SRD5A2: variants seen among roughly 807,000 people sequenced by gnomAD.
The protein encoded by SRD5A2 is 3-oxo-5-alpha-steroid 4-dehydrogenase 2.
In SRD5A2, 30 loss-of-function variants were observed where a neutral mutation model predicts 27.4. The observed-to-expected ratio is 1.10, with a 90% CI of 0.82 to 1.49. SRD5A2 has a LOEUF of 1.49. Among genes scored for constraint, SRD5A2 ranks in the 40% most tolerant of loss-of-function variants. The probability of loss-of-function intolerance (pLI) is 0.00; values close to 1 mark genes in which losing one functional copy is unlikely to be tolerated. For missense variants in SRD5A2, 348 were observed against 323.4 expected (o/e 1.08, Z -0.58); for synonymous variants, 141 against 133.6 (o/e 1.06, Z -0.38).
the SRD5A2 span, among the ~76,000 whole-genome samples, chr2:31,612,467 G>A: frequency 1.3e-5 from 2 of 152,020 alleles, no homozygotes; most frequent in Non-Finnish European, 2.9e-5. Context: ...TAGCCATAGA[G>A]CTGAAAGATT....
chr2:31,625,764 G>T, the SRD5A2 span, among the ~76,000 whole-genome samples: 1 of 151,952 alleles, frequency 6.6e-6, no homozygotes, highest in Non-Finnish European at 1.5e-5. Flanking sequence ...GTTACTGTAG[G>T]CTTGCAGTAT....
rs756284261 is a variant in SRD5A2, at chr2:31,580,631, A to G, written c.270T>C (p.His90=). Residue 90 remains histidine, a synonymous_variant, in exon 1 of 5, where the codon CAT becomes CAC. Transcript: ENST00000622030. Reference sequence around the variant, plus strand: ...GGGAAAAACGCTACCTGTGGAAGTAATGTAGGCAGAAGAGGCCCAGAAGTA... The same window carrying G: ...GGGAAAAACGCTACCTGTGGAAGTAGTGTAGGCAGAAGAGGCCCAGAAGTA... ...GTVLLGLFCL[H]YFHRTFVYSL... 1.3e-6 allele frequency: 2 copies of G among 1,571,068 alleles called. No homozygotes were observed. Among genetic ancestry groups the G allele is most frequent in the Non-Finnish European group, 1.7e-6 (2 of 1,164,706 alleles).
At chr2:31,660,594 T>A in the SRD5A2 span, among the ~76,000 whole-genome samples, 162 of 152,012 alleles carry the variant, frequency 1.1e-3, 1 homozygote, top group East Asian at 0.019. Context: ...GTGGGGGATG[T>A]TGATAACGGG....
chr2:31,567,913 G>A (rs1377274823), intron 1 of SRD5A2, among the ~76,000 whole-genome samples: 1 of 152,010 alleles, frequency 6.6e-6, no homozygotes, highest in Non-Finnish European at 1.5e-5. Context: ...CACCTGCCAA[G>A]GGTGAGCCAG....
At chr2:31,616,955 C>A in the SRD5A2 span, among the ~76,000 whole-genome samples, 2 of 152,018 alleles carry the variant, frequency 1.3e-5, no homozygotes, top group African/African-American at 2.4e-5. Flanking sequence ...TTGAATCATG[C>A]GAGCAGTTCC....
At chr2:31,568,921 C>A (rs957498066) in intron 1 of SRD5A2, among the ~76,000 whole-genome samples, 1 of 152,264 alleles carries the variant, frequency 6.6e-6, no homozygotes, top group Admixed American at 6.5e-5. Flanking sequence ...CTTGGCTCAG[C>A]CACAACTTTG....
At chr2:31,588,867 A>G in the SRD5A2 span, among the ~76,000 whole-genome samples, 1 of 152,216 alleles carries the variant, frequency 6.6e-6, no homozygotes, top group African/African-American at 2.4e-5. Flanking sequence ...GATAGCAGAC[A>G]GAACTAACAT....
chr2:31,616,692 C>T, the SRD5A2 span, among the ~76,000 whole-genome samples: 7 of 152,244 alleles, frequency 4.6e-5, no homozygotes, highest in African/African-American at 1.4e-4. Context: ...TTTACAGGCT[C>T]ATAGAGGTGA....
rs1480529343 is a variant in SRD5A2, at chr2:31,526,212, A to G, written c.749T>C (p.Ile250Thr). The G allele has an allele frequency of 6.3e-7, 1 of 1,587,290 alleles. No individual in the cohort carries two copies. Among genetic ancestry groups the G allele is most frequent in the Non-Finnish European group, 8.6e-7 (1 of 1,165,134 alleles). The change falls in exon 5 of 5, where the codon ATT becomes ACT. Residue 250 changes from isoleucine (I) to threonine (T), a missense_variant. By Grantham distance (89) the Ile-to-Thr change is moderately conservative (BLOSUM62 -1). Coordinates refer to ENST00000622030, the MANE Select transcript of SRD5A2 (RefSeq NM_000348.4). Reference protein sequence around the residue: ...EDYPKSRKALIPFIF With the variant: ...EDYPKSRKALTPFIF ...TTGGTTCCTTTAAAAGATGAATGGA[A>G]TAAGGGCTTTCCGAGATTTGGGGTA...
rs1295133478 is a variant in SRD5A2 at position 31,526,174 on chromosome 2, G to T, written c.*22C>A. ...TTTTCATCAGCATTGTGGGAGCTCT[G>T]CTCCTTTTTAATTTGGTTCCTTTAA... On this transcript the variant is annotated 3_prime_UTR_variant, in exon 5 of 5. Transcript: ENST00000622030. 5 of 1,516,394 alleles carry T rather than the reference G, an allele frequency of 3.3e-6. No individual in the cohort carries two copies. The East Asian group carries it at 1.2e-4, about 36-fold the overall frequency. 93.9% of individuals were successfully genotyped at this position (1,516,394 alleles called of 1,614,324 possible). A position where few individuals can be genotyped will look rare whatever the true frequency, so the allele number is the denominator to read the frequency against.
rs1665752332 is a variant in SRD5A2 at position 31,525,273 on chromosome 2, G to A, written c.*923C>T. On this transcript the variant is annotated 3_prime_UTR_variant, in exon 5 of 5. Transcript: ENST00000622030. ...TACTTCATATTGTTGTGGACATCTG[G>A]TGGAGGCAAGCAGCATGTAACCTCA... 1 of 223,982 alleles carries A rather than the reference G, an allele frequency of 4.5e-6. No individual in the cohort carries two copies. The highest frequency in any genetic ancestry group is 8.9e-6 in the Non-Finnish European group (1 of 112,270). 13.9% of individuals were successfully genotyped at this position (223,982 alleles called of 1,614,324 possible).
the SRD5A2 span, among the ~76,000 whole-genome samples, chr2:31,650,039 G>A: frequency 6.6e-6 from 1 of 152,050 alleles, no homozygotes; most frequent in South Asian, 2.1e-4. Flanking sequence ...ACTAGCACTG[G>A]ATGAAGGTTA....
intron 3 of SRD5A2, among the ~76,000 whole-genome samples, chr2:31,530,056 A>C (rs529906061): frequency 1.6e-4 from 24 of 152,120 alleles, no homozygotes; most frequent in Non-Finnish European, 3.2e-4. Context: ...TCTAGATTTT[A>C]AATGTTTCAT....
the SRD5A2 span, among the ~76,000 whole-genome samples, chr2:31,658,041 T>C: frequency 6.6e-6 from 1 of 152,088 alleles, no homozygotes; most frequent in Admixed American, 6.5e-5. Context: ...GGTCTAGAAG[T>C]ACTAGCCTCA....
chr2:31,647,205 G>C, the SRD5A2 span, among the ~76,000 whole-genome samples: 1 of 152,110 alleles, frequency 6.6e-6, no homozygotes, highest in East Asian at 1.9e-4. Flanking sequence ...AATAGTGGAA[G>C]AGGAATATAG....
At chr2:31,562,141 C>A (rs1319240087) in intron 1 of SRD5A2, among the ~76,000 whole-genome samples, 1 of 152,094 alleles carries the variant, frequency 6.6e-6, no homozygotes, top group African/African-American at 2.4e-5. Flanking sequence ...CTTTATTTCT[C>A]AATGTTTGCA....
At position 31,580,605 on chromosome 2, in the gene SRD5A2, A is replaced by G. The variant is rs522638; in HGVS notation, c.281+15T>C. On this transcript the variant is annotated intron_variant, in intron 1 of 4. Transcript: ENST00000622030. Reference sequence around the variant, plus strand: ...CAGTGCGCTGCACTGGGCGCCCGCAAGGGAAAAACGCTACCTGTGGAAGTA... The same window carrying G: ...CAGTGCGCTGCACTGGGCGCCCGCAGGGGAAAAACGCTACCTGTGGAAGTA... 0.69 allele frequency: 1,045,182 copies of G among 1,523,552 alleles called. 360,183 individuals carry two copies. The highest frequency in any genetic ancestry group is 0.72 in the Middle Eastern group (3,507 of 4,856). The allele number at this position is 1,523,552 out of a possible 1,614,324, so 94.4% of individuals were successfully genotyped here. A position where few individuals can be genotyped will look rare whatever the true frequency, so the allele number is the denominator to read the frequency against.
chr2:31,599,742 G>A, the SRD5A2 span, among the ~76,000 whole-genome samples: 2 of 151,554 alleles, frequency 1.3e-5, no homozygotes, highest in Non-Finnish European at 3.0e-5. Flanking sequence ...AGAAAAGCAA[G>A]ATCAAACCAA....
the SRD5A2 span, among the ~76,000 whole-genome samples, chr2:31,609,508 TG>T: frequency 6.6e-6 from 1 of 152,086 alleles, no homozygotes; most frequent in African/African-American, 2.4e-5. Context: ...GATCATTCGA[TG>T]GGGAAAGAAT....
Sources: allele counts gnomAD v4.1 joint callset (sites outside exome capture counted in the v4.1 genomes callset), GRCh38; gene constraint gnomAD v4.1.1; transcripts MANE v1.5; gene names NCBI Gene and HGNC (gene_info 2026-07-23, HGNC 2026-07-21).